EOLA1: variants seen among roughly 807,000 people sequenced by gnomAD.
EOLA1 encodes the protein protein EOLA1.
In EOLA1, 1 loss-of-function variant was observed where a neutral mutation model predicts 4.5. The observed-to-expected ratio is 0.22, with a 90% CI of 0.08 to 1.05. EOLA1 has a LOEUF of 1.05. Ranked by LOEUF, EOLA1 falls within the 50% of genes least tolerant of loss-of-function variation. The probability of loss-of-function intolerance (pLI) is 0.57; values close to 1 mark genes in which losing one functional copy is unlikely to be tolerated. For missense variants in EOLA1, 69 were observed against 127.2 expected, an observed-to-expected ratio of 0.54 and a Z score of 2.20; for synonymous variants, 37 against 52.3, an observed-to-expected ratio of 0.71 and a Z score of 1.26.
At chrX:149,543,490 T>TGG (rs1557346732) in intron 2 of EOLA1, among the ~76,000 whole-genome samples, 1 of 10,667 alleles carries the variant, frequency 9.4e-5, no homozygotes, top group Non-Finnish European at 1.6e-4. Flanking sequence ...GGACAAGTGC[T>TGG]GGGGGGGGGT....
chrX:149,549,267 C>G, downstream of EOLA1: 2 of 1,098,980 alleles, frequency 1.8e-6, no homozygotes, highest in Admixed American at 7.1e-5. Flanking sequence ...CAAATGCTAT[C>G]CTTGACACTT....
Position 149,544,710 on chromosome X carries a change from G to A in EOLA1, c.-162-658G>A, listed in dbSNP as rs782191500. The A allele has an allele frequency of 2.5e-5, 19 of 751,278 alleles. No individual in the cohort carries two copies. In the African/African-American group the frequency reaches 4.5e-4, roughly 18 times the overall value. The allele number at this position is 751,278 out of a possible 1,213,427, so 61.9% of individuals were successfully genotyped here. A position where few individuals can be genotyped will look rare whatever the true frequency, so the allele number is the denominator to read the frequency against. On this transcript the variant is annotated intron_variant, in intron 2 of 4. Coordinates refer to ENST00000393985, the MANE Select transcript of EOLA1 (RefSeq NM_001171907.3). ...GACCCTCTCCCAAGCCAGACACGCAGGAGGCTGGGCAAGAGTTGTGGGAAG... is the reference window on the plus strand; with the variant it reads ...GACCCTCTCCCAAGCCAGACACGCAAGAGGCTGGGCAAGAGTTGTGGGAAG...
rs145839056 is a variant in EOLA1 at position 149,545,813 on chromosome X, C to T, written c.183C>T (p.Leu61=). Residue 61 remains leucine, a synonymous_variant, in exon 4 of 5, where the codon CTC becomes CTT. Coordinates refer to ENST00000393985, the MANE Select transcript of EOLA1 (RefSeq NM_001171907.3). ...DAWRELLVER[L]GMTPAQIQAL... ...GGCGGGAGCTGCTGGTGGAGAGACT[C>T]GGGATGACTCCTGCTCAGATTCAGG... 14 of 1,209,872 alleles carry T rather than the reference C, an allele frequency of 1.2e-5. No individual in the cohort carries two copies. The highest frequency in any genetic ancestry group is 8.9e-5 in the East Asian group (3 of 33,728).
intron 2 of EOLA1, chrX:149,544,903 T>C (rs2089808092): frequency 2.7e-6 from 2 of 751,903 alleles, no homozygotes; most frequent in South Asian, 1.4e-4. Context: ...GGTTGCTAGT[T>C]GTTCTGATTA....
Position 149,548,168 on chromosome X carries a change from G to A in EOLA1, c.*1206G>A, listed in dbSNP as rs1352054817. ...AGCCTCCCCTGGTTTCTGCCAATGAGATGTATATAATATACAAGGTTAAAA... is the reference window on the plus strand; with the variant it reads ...AGCCTCCCCTGGTTTCTGCCAATGAAATGTATATAATATACAAGGTTAAAA... On this transcript the variant is annotated 3_prime_UTR_variant, in exon 5 of 5. Transcript: ENST00000393985. 14 of 311,263 alleles carry A rather than the reference G, an allele frequency of 4.5e-5. No individual in the cohort carries two copies. The highest frequency in any genetic ancestry group is 6.7e-5 in the Non-Finnish European group (13 of 194,751). 25.7% of individuals were successfully genotyped at this position (311,263 alleles called of 1,213,427 possible).
At position 149,542,099 on chromosome X, in the gene EOLA1, C is replaced by T. The variant is rs1344741254; in HGVS notation, c.-163+14C>T. On this transcript the variant is annotated intron_variant, in intron 2 of 4. Coordinates refer to ENST00000393985, the MANE Select transcript of EOLA1 (RefSeq NM_001171907.3). ...CTGCAGCACCAGGTAGGAGGGGACTCAACCCCCTTCTTGCCTTTTCAGTTA... is the reference window on the plus strand; with the variant it reads ...CTGCAGCACCAGGTAGGAGGGGACTTAACCCCCTTCTTGCCTTTTCAGTTA... 1 of 672,270 alleles carries T rather than the reference C, an allele frequency of 1.5e-6. No individual in the cohort carries two copies. Among genetic ancestry groups the T allele is most frequent in the Non-Finnish European group, 1.8e-6 (1 of 564,039 alleles). The allele number at this position is 672,270 out of a possible 1,213,427, so 55.4% of individuals were successfully genotyped here. A position where few individuals can be genotyped will look rare whatever the true frequency, so the allele number is the denominator to read the frequency against.
At chrX:149,545,333 T>C in intron 2 of EOLA1, 35 bp from the exon 3 acceptor site, 2 of 1,020,779 alleles carry the variant, frequency 2.0e-6, no homozygotes, top group Non-Finnish European at 2.5e-6. Context: ...GTCATAGCAC[T>C]GACCACATGG....
chrX:149,553,848 ACT>A (rs1360898250), downstream of EOLA1, among the ~76,000 whole-genome samples: 3 of 106,432 alleles, frequency 2.8e-5, no homozygotes, highest in Non-Finnish European at 5.7e-5. Flanking sequence ...ACTTAAGGCC[ACT>A]CTGTGCTAAC....
Position 149,548,285 on chromosome X carries a change from A to G in EOLA1, c.*1323A>G, listed in dbSNP as rs188316700. 150 of 872,589 alleles carry G rather than the reference A, an allele frequency of 1.7e-4. 2 individuals carry two copies. The highest frequency in any genetic ancestry group is 1.3e-4 in the Non-Finnish European group (88 of 698,468). The allele number at this position is 872,589 out of a possible 1,213,427, so 71.9% of individuals were successfully genotyped here. A position where few individuals can be genotyped will look rare whatever the true frequency, so the allele number is the denominator to read the frequency against. On this transcript the variant is annotated 3_prime_UTR_variant, in exon 5 of 5. Transcript: ENST00000393985. ...TATTAAGACCAAAAATGTGTTTCTC[A>G]TTAAAAAATGGCAACTTTTATGGGC...
In EOLA1 at chrX:149,541,081, C is replaced by A. The variant is rs1330810389; in HGVS notation, c.-492C>A. The A allele has an allele frequency of 8.9e-6, 1 of 112,445 alleles. No homozygotes were observed. The highest frequency in any genetic ancestry group is 1.9e-5 in the Non-Finnish European group (1 of 53,254). 9.3% of individuals were successfully genotyped at this position (112,445 alleles called of 1,213,427 possible). The stretch of plus-strand genomic sequence containing the variant: ...CCCGGAGTTAGCGGCAACGACCTTG[C>A]AGCCTGGACACTAGCCAGGCGCTCC... On this transcript the variant is annotated 5_prime_UTR_variant, in exon 1 of 5. Coordinates refer to ENST00000393985, the MANE Select transcript of EOLA1 (RefSeq NM_001171907.3).
At chrX:149,548,612 G>A, downstream of EOLA1, 7 of 852,367 alleles carry the variant, frequency 8.2e-6, no homozygotes, top group Non-Finnish European at 8.7e-6. Context: ...TTCCTGAGGG[G>A]GCCCATTTCC....
chrX:149,548,584 C>T, downstream of EOLA1: 1 of 890,468 alleles, frequency 1.1e-6, no homozygotes, highest in Admixed American at 6.7e-5. Flanking sequence ...AGGTGCCCTC[C>T]CAACTTGGGC....
In EOLA1 at chrX:149,545,784, G is replaced by T; in HGVS notation, c.154G>T (p.Ala52Ser). The change falls in exon 4 of 5, where the codon GCC (alanine) becomes TCC (serine). Residue 52 changes from alanine to serine, a missense_variant. Transcript: ENST00000393985. ...HIAHRDWEGD[A>S]WRELLVERLG... ...TGCTCACAGGGACTGGGAAGGCGAT[G>T]CCTGGCGGGAGCTGCTGGTGGAGAG... 1 of 1,212,119 alleles carries T rather than the reference G, an allele frequency of 8.3e-7. No individual in the cohort carries two copies. The highest frequency in any genetic ancestry group is 1.1e-6 in the Non-Finnish European group (1 of 895,404).
At position 149,545,354 on chromosome X, in the gene EOLA1, G is replaced by C. The variant is rs1345473186; in HGVS notation, c.-162-14G>C. 1.2e-5 allele frequency: 13 copies of C among 1,043,438 alleles called. No homozygotes were observed. The highest frequency in any genetic ancestry group is 4.1e-5 in the Admixed American group (1 of 24,493). 86.0% of individuals were successfully genotyped at this position (1,043,438 alleles called of 1,213,427 possible). ...GCACTGACCACATGGTATCCTGCCT[G>C]TGCCTTCCTCTAGCTGTCCCCGCCC... On this transcript the variant is annotated splice_polypyrimidine_tract_variant and intron_variant, in intron 2 of 4. Coordinates refer to ENST00000393985, the MANE Select transcript of EOLA1 (RefSeq NM_001171907.3).
At chrX:149,544,494 G>C in intron 2 of EOLA1, 6 of 751,179 alleles carry the variant, frequency 8.0e-6, no homozygotes, top group Non-Finnish European at 9.4e-6. Context: ...TGAGGGGTGA[G>C]GGCAGCCACT....
At chrX:149,544,480 G>A in intron 2 of EOLA1, 6 of 749,457 alleles carry the variant, frequency 8.0e-6, no homozygotes, top group Non-Finnish European at 9.4e-6. Context: ...CGGGGCCACG[G>A]GCCTGAGGGG....
rs2089882657 is a variant in EOLA1, at chrX:149,548,145, C to A, written c.*1183C>A. 1 of 256,558 alleles carries A rather than the reference C, an allele frequency of 3.9e-6. No individual in the cohort carries two copies. Among genetic ancestry groups the A allele is most frequent in the African/African-American group, 2.9e-5 (1 of 34,037 alleles). The allele number at this position is 256,558 out of a possible 1,213,427, so 21.1% of individuals were successfully genotyped here. Reference sequence around the variant, plus strand: ...AGCCTGTCTTGGACAGGATTTCCAGCCTCCCCTGGTTTCTGCCAATGAGAT... The same window carrying A: ...AGCCTGTCTTGGACAGGATTTCCAGACTCCCCTGGTTTCTGCCAATGAGAT... On this transcript the variant is annotated 3_prime_UTR_variant, in exon 5 of 5. Coordinates refer to ENST00000393985, the MANE Select transcript of EOLA1 (RefSeq NM_001171907.3).
chrX:149,544,418 A>C, intron 2 of EOLA1: 1 of 424,179 alleles, frequency 2.4e-6, no homozygotes, highest in Non-Finnish European at 2.9e-6. Context: ...GTTGAAAGGA[A>C]GGACAGAGAG....
At chrX:149,545,252 C>T (rs1408261422) in intron 2 of EOLA1, 116 bp from the exon 3 acceptor site, 24 of 756,210 alleles carry the variant, frequency 3.2e-5, no homozygotes, top group Non-Finnish European at 3.9e-5. Context: ...AACACCAGCC[C>T]GGACTCTCCA....
Sources: allele counts gnomAD v4.1 joint callset (sites outside exome capture counted in the v4.1 genomes callset), GRCh38; gene constraint gnomAD v4.1.1; transcripts MANE v1.5; gene names NCBI Gene and HGNC (gene_info 2026-07-23, HGNC 2026-07-21).